PLSCR2: variants seen among roughly 807,000 people sequenced by gnomAD.
PLSCR2 encodes the protein PL scramblase 2.
In PLSCR2, 18 loss-of-function variants were observed where a neutral mutation model predicts 25.3. The ratio of observed to expected loss-of-function variants is 0.71; its 90% CI spans 0.49 to 1.06. PLSCR2 has a LOEUF of 1.06. Among genes scored for constraint, PLSCR2 ranks in the 50% least tolerant of loss-of-function variants. The pLI, the probability that PLSCR2 is intolerant of heterozygous loss-of-function variation, is 0.00. For missense variants in PLSCR2, 243 were observed against 269.5 expected (o/e 0.90, Z 0.69); for synonymous variants, 88 against 87.3 (o/e 1.01, Z -0.04).
chr3:146,454,287 T>G, intron 4 of PLSCR2, 124 bp from the exon 5 acceptor site: 2 of 585,774 alleles, frequency 3.4e-6, no homozygotes, highest in South Asian at 5.6e-5. Flanking sequence ...CTAGGACTTT[T>G]TTTTTAAAGA....
downstream of PLSCR2, chr3:146,441,723 T>A: frequency 9.2e-7 from 1 of 1,086,774 alleles, no homozygotes; most frequent in Non-Finnish European, 1.4e-6. Flanking sequence ...ATAATCCTAA[T>A]CAACACAGAC....
chr3:146,397,668 TACA>T (rs1299184536), intron 2 of PLSCR2, among the ~76,000 whole-genome samples: 4 of 152,058 alleles, frequency 2.6e-5, no homozygotes, highest in Non-Finnish European at 4.4e-5. Flanking sequence ...TTGAAGATAT[TACA>T]ACGAGTAGGA....
intron 2 of PLSCR2, among the ~76,000 whole-genome samples, chr3:146,405,125 G>A (rs1249998323): frequency 6.6e-6 from 1 of 152,020 alleles, no homozygotes; most frequent in Non-Finnish European, 1.5e-5. Flanking sequence ...TGAAGAAGGG[G>A]CTAGATTTTC....
In PLSCR2 at chr3:146,423,685, G is replaced by A. The variant is rs554025215; in HGVS notation, c.101-27764C>T. ...GTAGATTATCCTGCATTATTCAGGT[G>A]GACCAACGTAATTCCAAGCTTCCTT... On this transcript the variant is annotated intron_variant and NMD_transcript_variant, in intron 2 of 3. Coordinates refer to the PLSCR2 transcript ENST00000463633. 3.0e-4 allele frequency among the ~76,000 whole-genome samples: 46 copies of A among 152,086 alleles called. 1 individual carries two copies. The South Asian group carries it at 6.4e-3, about 21-fold the overall frequency.
intron 1 of PLSCR2, among the ~76,000 whole-genome samples, chr3:146,482,559 T>C (rs2043168273): frequency 1.3e-5 from 2 of 152,224 alleles, no homozygotes; most frequent in South Asian, 4.1e-4. Flanking sequence ...TGGTGATCAT[T>C]AAAAAGTCAG....
chr3:146,403,191 TTTGTAA>T (rs2038539786), intron 2 of PLSCR2, among the ~76,000 whole-genome samples: 1 of 152,046 alleles, frequency 6.6e-6, no homozygotes, highest in Admixed American at 6.6e-5. Flanking sequence ...CATGCTCTAC[TTTGTAA>T]TTGTTGTTTA....
chr3:146,401,830 ATGTTT>A (rs2038482466), intron 2 of PLSCR2, among the ~76,000 whole-genome samples: 1 of 151,892 alleles, frequency 6.6e-6, no homozygotes, highest in Admixed American at 6.6e-5. Context: ...CATTACTATT[ATGTTT>A]TAAGTTATGT....
At chr3:146,435,148 C>T (rs1481602312) in intron 8 of PLSCR2, among the ~76,000 whole-genome samples, 1 of 152,094 alleles carries the variant, frequency 6.6e-6, no homozygotes, top group Non-Finnish European at 1.5e-5. Flanking sequence ...ATATGTGCCA[C>T]ATTTTCTTAA....
At chr3:146,420,892 G>A (rs1043135653) in intron 2 of PLSCR2, among the ~76,000 whole-genome samples, 1 of 152,018 alleles carries the variant, frequency 6.6e-6, no homozygotes, top group Non-Finnish European at 1.5e-5. Context: ...TTCGTAGTTG[G>A]TTCAGTGTGG....
intron 5 of PLSCR2, among the ~76,000 whole-genome samples, chr3:146,450,511 C>A (rs1282511864): frequency 2.6e-5 from 4 of 152,146 alleles, no homozygotes; most frequent in Non-Finnish European, 5.9e-5. Flanking sequence ...TTAGGCTTTG[C>A]CTTGTGGCTT....
intron 2 of PLSCR2, among the ~76,000 whole-genome samples, chr3:146,421,075 G>A (rs1478760915): frequency 2.0e-5 from 3 of 151,992 alleles, no homozygotes; most frequent in Admixed American, 2.0e-4. Context: ...TGGAAGGAAA[G>A]TGGAGAGTAT....
At chr3:146,409,193 G>C (rs537436857) in intron 2 of PLSCR2, among the ~76,000 whole-genome samples, 1 of 152,260 alleles carries the variant, frequency 6.6e-6, no homozygotes, top group African/African-American at 2.4e-5. Context: ...TCGTCACCTG[G>C]AGGGACTTGT....
At chr3:146,437,825 G>A (rs1332299172), downstream of PLSCR2, among the ~76,000 whole-genome samples, 2 of 152,070 alleles carry the variant, frequency 1.3e-5, no homozygotes, top group Admixed American at 6.6e-5. Context: ...GCTTTTGAAT[G>A]TGTTTGCTTT....
At chr3:146,457,087 G>A (rs950430156) in intron 3 of PLSCR2, among the ~76,000 whole-genome samples, 8 of 151,884 alleles carry the variant, frequency 5.3e-5, no homozygotes, top group Non-Finnish European at 7.4e-5. Flanking sequence ...ACAAAAAACC[G>A]AGAACATTAT....
chr3:146,446,045 T>TC (rs1480703752), intron 6 of PLSCR2, among the ~76,000 whole-genome samples: 4 of 152,254 alleles, frequency 2.6e-5, no homozygotes, highest in Non-Finnish European at 5.9e-5. Flanking sequence ...GATTCTGAAT[T>TC]CCCCCTCTGT....
chr3:146,451,632 A>C (rs1009392981), intron 5 of PLSCR2, among the ~76,000 whole-genome samples: 1 of 152,166 alleles, frequency 6.6e-6, no homozygotes, highest in Admixed American at 6.5e-5. Context: ...CTTCAGTATC[A>C]GGCTGGACAC....
At chr3:146,474,961 T>G (rs536418780) in intron 1 of PLSCR2, among the ~76,000 whole-genome samples, 2 of 151,938 alleles carry the variant, frequency 1.3e-5, no homozygotes, top group African/African-American at 4.8e-5. Flanking sequence ...CTTCATGAAG[T>G]TCTTGTGCTG....
chr3:146,460,064 G>T lies in PLSCR2; in HGVS notation c.-160C>A, dbSNP rs75562053. On this transcript the variant is annotated 5_prime_UTR_variant, in exon 2 of 7. Coordinates refer to ENST00000610787, the Ensembl canonical transcript of PLSCR2. ...TGTGTCCAGCCTGGTGCTTAGGGTAGACAATATGTCCGGGAGGTCCTGAAA... is the reference window on the plus strand; with the variant it reads ...TGTGTCCAGCCTGGTGCTTAGGGTATACAATATGTCCGGGAGGTCCTGAAA... The T allele has an allele frequency of 2.9e-4, 454 of 1,560,230 alleles. 6 individuals carry two copies. The East Asian group carries it at 9.0e-3, about 31-fold the overall frequency.
downstream of PLSCR2, among the ~76,000 whole-genome samples, chr3:146,440,967 C>T (rs1223397923): frequency 6.6e-6 from 1 of 152,050 alleles, no homozygotes; most frequent in Non-Finnish European, 1.5e-5. Flanking sequence ...CAGGAGCTAA[C>T]CATTCCATGT....
Sources: gnomAD v4.1 joint callset for allele counts (sites outside exome capture counted in the v4.1 genomes callset) on GRCh38, gnomAD v4.1.1 for gene constraint, MANE v1.5 for transcripts, NCBI Gene and HGNC (gene_info 2026-07-23, HGNC 2026-07-21) for gene names.